Variants in TENM2 observed in about 807,000 individuals in gnomAD.
TENM2 encodes teneurin transmembrane protein 2.
In TENM2, 52 loss-of-function variants were observed where a neutral mutation model predicts 245.2. The ratio of observed to expected loss-of-function variants is 0.21; its 90% CI spans 0.17 to 0.27. The LOEUF is 0.27. TENM2 is among the 10% of genes least tolerant of loss of function. The probability of loss-of-function intolerance (pLI) is 1.00; values close to 1 mark genes in which losing one functional copy is unlikely to be tolerated. For missense variants in TENM2, 3,046 were observed against 3,666.8 expected, an observed-to-expected ratio of 0.83 and a Z score of 4.37; for synonymous variants, 1,363 against 1,438.9, an observed-to-expected ratio of 0.95 and a Z score of 1.19.
intron 12 of TENM2, among the ~76,000 whole-genome samples, chr5:168,141,476 T>A (rs1341352905): frequency 6.6e-6 from 1 of 152,208 alleles, no homozygotes; most frequent in Non-Finnish European, 1.5e-5. Flanking sequence ...GCTTCCCATC[T>A]GATCCCACAA....
At chr5:167,432,678 G>A (rs1424568452) in intron 2 of TENM2, among the ~76,000 whole-genome samples, 3 of 151,976 alleles carry the variant, frequency 2.0e-5, no homozygotes, top group African/African-American at 4.8e-5. Flanking sequence ...ATAATTATTG[G>A]TGCTGCTTTT....
chr5:167,615,783 T>C (rs932333111), intron 2 of TENM2, among the ~76,000 whole-genome samples: 1 of 152,144 alleles, frequency 6.6e-6, no homozygotes, highest in Admixed American at 6.6e-5. Context: ...CCAATTAGTT[T>C]GAATGTTAAT....
At chr5:167,036,388 T>C in the TENM2 span, among the ~76,000 whole-genome samples, 5 of 152,204 alleles carry the variant, frequency 3.3e-5, no homozygotes, top group African/African-American at 7.2e-5. Flanking sequence ...TTGTGCCTCA[T>C]TGGTTTTGTT....
At chr5:167,534,718 C>T (rs543658401) in intron 2 of TENM2, among the ~76,000 whole-genome samples, 4 of 152,068 alleles carry the variant, frequency 2.6e-5, no homozygotes, top group East Asian at 3.9e-4. Context: ...GACGAGACCT[C>T]GAATGGAGAG....
At chr5:167,514,413 G>A (rs1006182806) in intron 2 of TENM2, among the ~76,000 whole-genome samples, 4 of 152,162 alleles carry the variant, frequency 2.6e-5, no homozygotes, top group African/African-American at 7.2e-5. Flanking sequence ...GGCTATGACA[G>A]TCATGTTACT....
chr5:167,648,132 A>G (rs1780088775), intron 2 of TENM2, among the ~76,000 whole-genome samples: 1 of 152,204 alleles, frequency 6.6e-6, no homozygotes. Flanking sequence ...TTTGAATGTC[A>G]TATTAAAATG....
intron 3 of TENM2, among the ~76,000 whole-genome samples, chr5:167,909,155 C>CAA (rs1159598791): frequency 6.8e-6 from 1 of 147,224 alleles, no homozygotes; most frequent in Admixed American, 6.9e-5. Flanking sequence ...GAAGAGGAAA[C>CAA]AAACTAGAAA....
the TENM2 span, among the ~76,000 whole-genome samples, chr5:167,273,246 AAATG>A: frequency 2.0e-5 from 3 of 152,156 alleles, no homozygotes; most frequent in African/African-American, 4.8e-5. Context: ...TCAAGGGCGG[AAATG>A]TGGAATGTAA....
chr5:167,068,222 G>A, the TENM2 span, among the ~76,000 whole-genome samples: 1 of 152,184 alleles, frequency 6.6e-6, no homozygotes, highest in African/African-American at 2.4e-5. Context: ...TTGGCTTGCA[G>A]CTTATATTTG....
chr5:167,970,966 G>A (rs1006744272), intron 4 of TENM2, among the ~76,000 whole-genome samples: 1 of 152,038 alleles, frequency 6.6e-6, no homozygotes, highest in Non-Finnish European at 1.5e-5. Context: ...ATATGTCTGC[G>A]TATACTTTGT....
At chr5:167,187,394 C>G in the TENM2 span, among the ~76,000 whole-genome samples, 1 of 152,158 alleles carries the variant, frequency 6.6e-6, no homozygotes, top group African/African-American at 2.4e-5. Flanking sequence ...ATGTTAGGAG[C>G]AGCAATGACA....
At chr5:167,929,123 AAG>A (rs1185548190) in intron 3 of TENM2, among the ~76,000 whole-genome samples, 3 of 133,574 alleles carry the variant, frequency 2.2e-5, no homozygotes, top group African/African-American at 8.6e-5. Flanking sequence ...GAAAGAAAGA[AAG>A]AAAGAAAAGA....
intron 2 of TENM2, among the ~76,000 whole-genome samples, chr5:167,458,048 T>C (rs1179301729): frequency 1.3e-5 from 2 of 152,176 alleles, no homozygotes; most frequent in Non-Finnish European, 2.9e-5. Context: ...ATATAGCTAG[T>C]TTTTCAGGTC....
intron 2 of TENM2, among the ~76,000 whole-genome samples, chr5:167,629,026 G>A (rs1484356582): frequency 6.6e-6 from 1 of 152,146 alleles, no homozygotes; most frequent in Non-Finnish European, 1.5e-5. Flanking sequence ...CTTACTGTAA[G>A]TCAGGTACTA....
At chr5:168,164,147 C>T (rs576612479) in intron 13 of TENM2, among the ~76,000 whole-genome samples, 19 of 152,202 alleles carry the variant, frequency 1.2e-4, no homozygotes, top group Non-Finnish European at 2.5e-4. Flanking sequence ...TAATATTTAA[C>T]CTAACCATTC....
At chr5:167,735,744 T>C (rs188810098) in intron 2 of TENM2, among the ~76,000 whole-genome samples, 120 of 152,176 alleles carry the variant, frequency 7.9e-4, no homozygotes, top group African/African-American at 2.6e-3. Flanking sequence ...AGATGGAGGT[T>C]GCACTGAGCC....
chr5:167,621,837 C>T lies in TENM2; in HGVS notation c.502+246364C>T, dbSNP rs1011660784. Among the ~76,000 whole-genome samples the T allele has an allele frequency of 8.5e-5, 13 of 152,168 alleles. 1 individual carries two copies. ...AATGGAGATTCCAAGGCTTCACTTG[C>T]AGGCTTATGAATTTGGAATTTCTGA... On this transcript the variant is annotated intron_variant, in intron 2 of 28. Transcript: ENST00000518659.
chr5:168,179,444 G>A (rs1272584059), intron 13 of TENM2, among the ~76,000 whole-genome samples: 1 of 152,206 alleles, frequency 6.6e-6, no homozygotes, highest in Non-Finnish European at 1.5e-5. Flanking sequence ...ATGAAGCTAG[G>A]AGCTGGGGCA....
At chr5:168,206,122 G>A (rs1045861703) in intron 19 of TENM2, among the ~76,000 whole-genome samples, 9 of 152,244 alleles carry the variant, frequency 5.9e-5, no homozygotes, top group African/African-American at 2.2e-4. Context: ...GTGGATGATG[G>A]CATCTTCTGA....
Sources: allele counts gnomAD v4.1 joint callset (sites outside exome capture counted in the v4.1 genomes callset), GRCh38; gene constraint gnomAD v4.1.1; transcripts MANE v1.5; gene names NCBI Gene and HGNC (gene_info 2026-07-23, HGNC 2026-07-21).